RBMS1: variants seen among roughly 807,000 people sequenced by gnomAD.
The protein encoded by RBMS1 is RNA-binding motif, single-stranded-interacting protein 1.
A neutral mutation model predicts 62.3 loss-of-function variants in RBMS1; 17 were observed. That is an observed-to-expected ratio of 0.27 (90% CI 0.19 to 0.41). The LOEUF (loss-of-function observed/expected upper bound fraction) is 0.41. Ranked by LOEUF, RBMS1 falls within the 10% of genes least tolerant of loss-of-function variation. The pLI, the probability that RBMS1 is intolerant of heterozygous loss-of-function variation, is 1.00. For synonymous variants in RBMS1, 172 were observed against 170.0 expected (o/e 1.01, Z -0.09); for missense variants, 334 against 504.5 (o/e 0.66, Z 3.24).
chr2:160,296,625 A>T (rs1688947170), intron 6 of RBMS1, among the ~76,000 whole-genome samples: 1 of 152,110 alleles, frequency 6.6e-6, no homozygotes, highest in Non-Finnish European at 1.5e-5. Flanking sequence ...AAAACACCTC[A>T]ATGTTTCTTG....
At chr2:160,461,545 T>A (rs1421279515) in intron 1 of RBMS1, among the ~76,000 whole-genome samples, 1 of 152,148 alleles carries the variant, frequency 6.6e-6, no homozygotes, top group East Asian at 1.9e-4. Flanking sequence ...TGCACCTTCA[T>A]CACCTCTGGA....
At chr2:160,305,544 T>C (rs1388968421) in intron 4 of RBMS1, among the ~76,000 whole-genome samples, 1 of 152,202 alleles carries the variant, frequency 6.6e-6, no homozygotes, top group Non-Finnish European at 1.5e-5. Context: ...GTGCACATGA[T>C]GACAAAATCA....
At chr2:160,310,658 T>C (rs1180048554) in intron 4 of RBMS1, among the ~76,000 whole-genome samples, 1 of 152,164 alleles carries the variant, frequency 6.6e-6, no homozygotes, top group East Asian at 1.9e-4. Flanking sequence ...AGTGAGTGCA[T>C]TATTAATAGA....
At chr2:160,390,179 A>T (rs1694786027) in intron 1 of RBMS1, among the ~76,000 whole-genome samples, 1 of 152,204 alleles carries the variant, frequency 6.6e-6, no homozygotes, top group Non-Finnish European at 1.5e-5. Context: ...ACCCCAAGTG[A>T]GATGTGGTGG....
intron 1 of RBMS1, among the ~76,000 whole-genome samples, chr2:160,400,579 T>C (rs1695383501): frequency 1.3e-5 from 2 of 152,172 alleles, no homozygotes; most frequent in African/African-American, 4.8e-5. Flanking sequence ...ATAATGCCTC[T>C]ATATTTAGAA....
intron 1 of RBMS1, among the ~76,000 whole-genome samples, chr2:160,390,641 A>T (rs1694811666): frequency 6.8e-6 from 1 of 147,154 alleles, no homozygotes; most frequent in Non-Finnish European, 1.5e-5. Context: ...GGCTGCAGTG[A>T]GCCATGTGCA....
chr2:160,455,058 C>A (rs1389336640), intron 1 of RBMS1, among the ~76,000 whole-genome samples: 1 of 152,192 alleles, frequency 6.6e-6, no homozygotes, highest in African/African-American at 2.4e-5. Flanking sequence ...AGTTACAATG[C>A]AGATCCTGGT....
chr2:160,436,510 A>C (rs1054035527), intron 1 of RBMS1, among the ~76,000 whole-genome samples: 2 of 152,254 alleles, frequency 1.3e-5, no homozygotes, highest in Non-Finnish European at 2.9e-5. Flanking sequence ...GAGCCACAGA[A>C]TCATGAGAAA....
chr2:160,423,201 TTTTTC>T (rs529942161), intron 1 of RBMS1, among the ~76,000 whole-genome samples: 4 of 152,096 alleles, frequency 2.6e-5, no homozygotes, highest in Non-Finnish European at 4.4e-5. Context: ...CTTGCTTTTC[TTTTTC>T]TTTTCTTTTC....
intron 1 of RBMS1, among the ~76,000 whole-genome samples, chr2:160,430,162 CAGCCAA>C (rs1322902156): frequency 2.6e-5 from 4 of 152,220 alleles, no homozygotes; most frequent in Admixed American, 6.5e-5. Context: ...CTGAGTGACC[CAGCCAA>C]AGTCAAATGG....
chr2:160,385,202 C>G (rs919158281), intron 1 of RBMS1, among the ~76,000 whole-genome samples: 1 of 152,114 alleles, frequency 6.6e-6, no homozygotes, highest in Non-Finnish European at 1.5e-5. Context: ...AACAGACTAA[C>G]ACAATGTTCA....
At chr2:160,306,246 A>T (rs1689515366) in intron 4 of RBMS1, among the ~76,000 whole-genome samples, 2 of 151,642 alleles carry the variant, frequency 1.3e-5, no homozygotes, top group South Asian at 4.2e-4. Flanking sequence ...TTAGAAGGGG[A>T]TCGACAATGT....
intron 6 of RBMS1, among the ~76,000 whole-genome samples, chr2:160,298,220 G>A (rs1689038959): frequency 6.6e-6 from 1 of 152,130 alleles, no homozygotes; most frequent in Non-Finnish European, 1.5e-5. Flanking sequence ...TCCAGTCCTG[G>A]GTTTCTAGCT....
At chr2:160,316,835 A>C (rs545846131) in intron 3 of RBMS1, among the ~76,000 whole-genome samples, 1 of 144,068 alleles carries the variant, frequency 6.9e-6, no homozygotes, top group South Asian at 2.2e-4. Context: ...TCTAGTTTCA[A>C]AGTGATGTTG....
intron 6 of RBMS1, among the ~76,000 whole-genome samples, chr2:160,294,060 G>C (rs547342724): frequency 8.1e-4 from 123 of 152,256 alleles, no homozygotes; most frequent in Non-Finnish European, 1.4e-3. Flanking sequence ...AGAAGCCATG[G>C]GTTCTTTTAC....
intron 1 of RBMS1, among the ~76,000 whole-genome samples, chr2:160,434,179 G>A (rs1683021125): frequency 1.3e-5 from 2 of 152,102 alleles, no homozygotes; most frequent in African/African-American, 4.8e-5. Context: ...ACGTTTAAAA[G>A]TAATGAAATA....
Position 160,478,708 on chromosome 2 carries a change from CA to C in RBMS1, c.75+14580del, listed in dbSNP as rs142005520. Among the ~76,000 whole-genome samples the C allele has an allele frequency of 9.1e-4, 139 of 152,304 alleles. 2 individuals carry two copies. The highest frequency in any genetic ancestry group is 1.5e-3 in the Non-Finnish European group (105 of 68,018). On this transcript the variant is annotated intron_variant, in intron 1 of 13. Transcript: ENST00000348849. Reference sequence around the variant, plus strand: ...ATTTTCCTAATGCATGGCACACAGCCAGTTGTGACATTTTCAGCTGGTGGAC... The same window carrying C: ...ATTTTCCTAATGCATGGCACACAGCCGTTGTGACATTTTCAGCTGGTGGAC...
chr2:160,376,442 T>C (rs1694003976), intron 1 of RBMS1, among the ~76,000 whole-genome samples: 2 of 152,286 alleles, frequency 1.3e-5, no homozygotes, highest in South Asian at 4.1e-4. Flanking sequence ...TGTTGTAATT[T>C]TGTGTATAAA....
chr2:160,292,605 C>T (rs976009395), intron 6 of RBMS1, among the ~76,000 whole-genome samples: 3 of 152,208 alleles, frequency 2.0e-5, no homozygotes, highest in African/African-American at 7.2e-5. Flanking sequence ...TGGTCAATGT[C>T]TTTTAGAAAA....
Sources: gnomAD v4.1 joint callset for allele counts (sites outside exome capture counted in the v4.1 genomes callset) on GRCh38, gnomAD v4.1.1 for gene constraint, MANE v1.5 for transcripts, NCBI Gene and HGNC (gene_info 2026-07-23, HGNC 2026-07-21) for gene names.